SND1: variants seen among roughly 807,000 people sequenced by gnomAD.
SND1 encodes staphylococcal nuclease and tudor domain containing 1.
Under a neutral mutation model 121.7 loss-of-function variants are expected in SND1, and 38 were observed. The observed-to-expected ratio is 0.31, with a 90% CI of 0.24 to 0.41. SND1 has a LOEUF of 0.41. Ranked by LOEUF, SND1 falls within the 10% of genes least tolerant of loss-of-function variation. The probability of loss-of-function intolerance (pLI) is 1.00; values close to 1 mark genes in which losing one functional copy is unlikely to be tolerated. For synonymous variants in SND1, 401 were observed against 447.4 expected, an observed-to-expected ratio of 0.90 and a Z score of 1.31; for missense variants, 868 against 1,184.6, an observed-to-expected ratio of 0.73 and a Z score of 3.92.
At chr7:127,951,980 A>C (rs1326952474) in intron 15 of SND1, among the ~76,000 whole-genome samples, 1 of 152,116 alleles carries the variant, frequency 6.6e-6, no homozygotes, top group East Asian at 1.9e-4. Context: ...TTTTAATACC[A>C]CTTTTTCCCA....
At chr7:127,884,332 C>T (rs1161778009) in intron 12 of SND1, among the ~76,000 whole-genome samples, 1 of 152,006 alleles carries the variant, frequency 6.6e-6, no homozygotes, top group Non-Finnish European at 1.5e-5. Flanking sequence ...TATTGAAAAC[C>T]ATGTGTGGCA....
At position 128,084,783 on chromosome 7, in the gene SND1, G is replaced by C; in HGVS notation, c.2170G>C (p.Val724Leu). 6.2e-7 allele frequency: 1 copy of C among 1,610,772 alleles called. No individual in the cohort carries two copies. Among genetic ancestry groups the C allele is most frequent in the Non-Finnish European group, 8.5e-7 (1 of 1,177,770 alleles). The stretch of plus-strand genomic sequence containing the variant: ...CAATGACATTGCCAGTCACCCCCCT[G>C]TAGAGGGCTCCTATGCCCCCCGCAG... ...MRNDIASHPPVEGSYAPRRGE... is the reference protein window; with the variant it reads ...MRNDIASHPPLEGSYAPRRGE... The change falls in exon 19 of 24, where the codon GTA becomes CTA. Residue 724 changes from valine (V) to leucine (L), a missense_variant. Physicochemically the swap from Val to Leu is conservative, Grantham distance 32. This residue lies in a region of SND1 where 743 missense variants were observed against 1,071.3 expected (regional missense o/e 0.69). Transcript: ENST00000354725.
At chr7:127,745,018 C>A (rs1796952959) in intron 10 of SND1, among the ~76,000 whole-genome samples, 1 of 152,160 alleles carries the variant, frequency 6.6e-6, no homozygotes, top group Non-Finnish European at 1.5e-5. Flanking sequence ...ATTCCAAGAA[C>A]CTTAAACTAT....
At chr7:127,756,406 C>G (rs1797195769) in intron 10 of SND1, among the ~76,000 whole-genome samples, 1 of 152,200 alleles carries the variant, frequency 6.6e-6, no homozygotes, top group Non-Finnish European at 1.5e-5. Flanking sequence ...AGAGAGGGGA[C>G]TAGAGCCAAG....
At chr7:128,054,875 T>C (rs928862344) in intron 16 of SND1, among the ~76,000 whole-genome samples, 3 of 152,198 alleles carry the variant, frequency 2.0e-5, no homozygotes, top group Non-Finnish European at 4.4e-5. Flanking sequence ...AATGGGCTGA[T>C]GAATGTATTG....
intron 11 of SND1, among the ~76,000 whole-genome samples, chr7:127,834,363 T>G (rs1427797418): frequency 6.6e-6 from 1 of 152,224 alleles, no homozygotes; most frequent in Non-Finnish European, 1.5e-5. Context: ...TATCCTCCAC[T>G]GGTAACTGCC....
At chr7:127,828,208 G>C (rs1316174001) in intron 11 of SND1, among the ~76,000 whole-genome samples, 1 of 151,826 alleles carries the variant, frequency 6.6e-6, no homozygotes, top group African/African-American at 2.4e-5. Flanking sequence ...CGTTGGCCAG[G>C]CTGGTCTCAA....
intron 16 of SND1, among the ~76,000 whole-genome samples, chr7:128,071,859 G>T (rs1373317691): frequency 6.6e-6 from 1 of 152,214 alleles, no homozygotes; most frequent in African/African-American, 2.4e-5. Flanking sequence ...ACCCAGGATG[G>T]ATTCGGTGGC....
intron 10 of SND1, among the ~76,000 whole-genome samples, chr7:127,749,465 T>G (rs147791307): frequency 6.6e-6 from 1 of 152,134 alleles, no homozygotes; most frequent in Admixed American, 6.5e-5. Context: ...TACAGTGTTA[T>G]GTTAGGAATA....
At chr7:127,677,608 A>G (rs917123689) in intron 1 of SND1, among the ~76,000 whole-genome samples, 2 of 152,246 alleles carry the variant, frequency 1.3e-5, no homozygotes, top group African/African-American at 2.4e-5. Context: ...TTTGCCAGCC[A>G]TATGGTCTCT....
chr7:127,808,291 T>G lies in SND1; in HGVS notation c.1242+718T>G, dbSNP rs558099879. Among the ~76,000 whole-genome samples the G allele has an allele frequency of 9.9e-5, 15 of 151,636 alleles. No individual in the cohort carries two copies. In the South Asian group the frequency reaches 3.1e-3, roughly 32 times the overall value. On this transcript the variant is annotated intron_variant, in intron 11 of 23. Coordinates refer to ENST00000354725, the MANE Select transcript of SND1 (RefSeq NM_014390.4). Reference sequence around the variant, plus strand: ...ATTTCTACCACCTCAGCCTCCAGAATAGCTGGGACTGCAGGTATGCACCAC... The same window carrying G: ...ATTTCTACCACCTCAGCCTCCAGAAGAGCTGGGACTGCAGGTATGCACCAC...
At chr7:128,075,635 G>T (rs1031777126) in intron 17 of SND1, among the ~76,000 whole-genome samples, 1 of 152,338 alleles carries the variant, frequency 6.6e-6, no homozygotes, top group South Asian at 2.1e-4. Flanking sequence ...TTCCCCTGGG[G>T]ATTGGGGCAG....
chr7:127,822,164 C>T (rs985881338), intron 11 of SND1, among the ~76,000 whole-genome samples: 2 of 152,148 alleles, frequency 1.3e-5, no homozygotes, highest in African/African-American at 2.4e-5. Context: ...ATTAGTATTA[C>T]GATTTCCTTG....
chr7:127,901,828 C>T (rs1046142521), intron 13 of SND1, among the ~76,000 whole-genome samples: 3 of 152,064 alleles, frequency 2.0e-5, no homozygotes, highest in Admixed American at 6.5e-5. Flanking sequence ...TGTCTTTGAA[C>T]GTTTTCCCAA....
intron 1 of SND1, among the ~76,000 whole-genome samples, chr7:127,661,300 C>T (rs1795306433): frequency 6.6e-6 from 1 of 152,270 alleles, no homozygotes; most frequent in South Asian, 2.1e-4. Flanking sequence ...GCCATATGCT[C>T]ATTTTAACAC....
intron 10 of SND1, among the ~76,000 whole-genome samples, chr7:127,753,803 TA>T (rs1481600697): frequency 1.3e-5 from 2 of 152,204 alleles, no homozygotes; most frequent in African/African-American, 4.8e-5. Context: ...TTGTCTTTAC[TA>T]CTGAACCCTG....
At chr7:127,868,132 C>T (rs1270077832) in intron 12 of SND1, among the ~76,000 whole-genome samples, 2 of 152,200 alleles carry the variant, frequency 1.3e-5, no homozygotes, top group East Asian at 3.9e-4. Flanking sequence ...TGGCTCACGC[C>T]TGTAATCCCA....
intron 10 of SND1, among the ~76,000 whole-genome samples, chr7:127,750,072 C>A (rs1335255864): frequency 1.3e-5 from 2 of 152,142 alleles, no homozygotes; most frequent in African/African-American, 4.8e-5. Flanking sequence ...TGCACTCTAG[C>A]CTGGGTGACA....
chr7:128,043,175 C>T (rs1323702275), intron 16 of SND1, among the ~76,000 whole-genome samples: 1 of 152,108 alleles, frequency 6.6e-6, no homozygotes, highest in Non-Finnish European at 1.5e-5. Flanking sequence ...ATCAGGTGCC[C>T]ATCTCAGAGG....
Sources: gnomAD v4.1 joint callset for allele counts (sites outside exome capture counted in the v4.1 genomes callset) on GRCh38, gnomAD v4.1.1 for gene constraint, gnomAD v4.1.1 regional missense constraint, MANE v1.5 for transcripts, NCBI Gene and HGNC (gene_info 2026-07-23, HGNC 2026-07-21) for gene names.